The following ERC2 variants were observed in gnomAD, a reference collection of about 807,000 sequenced individuals.
The protein encoded by ERC2 is ERC protein 2.
In ERC2, 42 loss-of-function variants were observed where a neutral mutation model predicts 114.8. The ratio of observed to expected loss-of-function variants is 0.37; its 90% CI spans 0.29 to 0.47. The LOEUF is 0.47. Among genes scored for constraint, ERC2 ranks in the 20% least tolerant of loss-of-function variants. The pLI, the probability that ERC2 is intolerant of heterozygous loss-of-function variation, is 0.99. For synonymous variants in ERC2, 454 were observed against 425.5 expected (o/e 1.07, Z -0.82); for missense variants, 939 against 1,150.7 (o/e 0.82, Z 2.66).
chr3:56,110,200 G>A (rs1237746629), intron 6 of ERC2, among the ~76,000 whole-genome samples: 1 of 152,154 alleles, frequency 6.6e-6, no homozygotes, highest in Non-Finnish European at 1.5e-5. Context: ...CAAGGCTATA[G>A]GAAATTTGGT....
chr3:55,730,244 A>G (rs1349208527), intron 15 of ERC2, among the ~76,000 whole-genome samples: 2 of 152,190 alleles, frequency 1.3e-5, no homozygotes, highest in African/African-American at 4.8e-5. Flanking sequence ...TAAGTCATAT[A>G]GTCTCTTGGA....
rs909584861 is a variant in ERC2, at chr3:55,888,602, A to G, written c.2404-53T>C. ...TATTTCTCCTTCATTCAAGCACAAGACATCCCTTGTTAGCCTGTGTTCCAA... is the reference window on the plus strand; with the variant it reads ...TATTTCTCCTTCATTCAAGCACAAGGCATCCCTTGTTAGCCTGTGTTCCAA... On this transcript the variant is annotated intron_variant, in intron 13 of 17. Transcript: ENST00000288221. 4.4e-6 allele frequency: 7 copies of G among 1,598,482 alleles called. No homozygotes were observed. The Admixed American group carries it at 1.2e-4, about 27-fold the overall frequency.
intron 2 of ERC2, among the ~76,000 whole-genome samples, chr3:56,409,131 G>C (rs915928285): frequency 6.6e-6 from 1 of 152,188 alleles, no homozygotes; most frequent in African/African-American, 2.4e-5. Context: ...GAGGCGGCAC[G>C]TGACCTCAAA....
chr3:55,900,396 C>T (rs780969001), intron 13 of ERC2, among the ~76,000 whole-genome samples: 11 of 152,186 alleles, frequency 7.2e-5, no homozygotes, highest in Non-Finnish European at 2.9e-5. Flanking sequence ...ACTTGGCCAC[C>T]TCCATTAGCA....
chr3:56,236,166 C>A (rs181607241), intron 3 of ERC2, among the ~76,000 whole-genome samples: 103 of 152,240 alleles, frequency 6.8e-4, no homozygotes, highest in African/African-American at 2.4e-3. Flanking sequence ...TCCTGATGAT[C>A]TTAGCTCACT....
intron 17 of ERC2, among the ~76,000 whole-genome samples, chr3:55,646,606 C>T (rs967376738): frequency 1.3e-5 from 2 of 152,140 alleles, no homozygotes; most frequent in Non-Finnish European, 2.9e-5. Flanking sequence ...GTGTGCTAGA[C>T]ACTGTGCTAG....
chr3:55,649,559 C>G (rs1214285168), intron 17 of ERC2, among the ~76,000 whole-genome samples: 2 of 152,052 alleles, frequency 1.3e-5, no homozygotes, highest in African/African-American at 4.8e-5. Flanking sequence ...CGCACCTGGC[C>G]AATAATTTTT....
chr3:56,220,133 C>T (rs1170275029), intron 3 of ERC2, among the ~76,000 whole-genome samples: 1 of 152,088 alleles, frequency 6.6e-6, no homozygotes, highest in Non-Finnish European at 1.5e-5. Flanking sequence ...CTGTTTATCC[C>T]CTACAATATC....
intron 13 of ERC2, among the ~76,000 whole-genome samples, chr3:55,935,860 A>C (rs2066409464): frequency 6.6e-6 from 1 of 152,198 alleles, no homozygotes; most frequent in Non-Finnish European, 1.5e-5. Context: ...GAGAAATGAA[A>C]AACAGCTAGG....
At chr3:56,204,072 C>T (rs2048561973) in intron 3 of ERC2, among the ~76,000 whole-genome samples, 1 of 152,136 alleles carries the variant, frequency 6.6e-6, no homozygotes, top group Non-Finnish European at 1.5e-5. Flanking sequence ...CACCTGTAAT[C>T]CCAGCTACTC....
chr3:56,451,654 G>A (rs1320719462), intron 1 of ERC2, among the ~76,000 whole-genome samples: 1 of 152,178 alleles, frequency 6.6e-6, no homozygotes, highest in Non-Finnish European at 1.5e-5. Context: ...TCAAGTAATT[G>A]AGTCAAATCT....
intron 17 of ERC2, among the ~76,000 whole-genome samples, chr3:55,589,324 G>A (rs2057757538): frequency 6.6e-6 from 1 of 152,138 alleles, no homozygotes; most frequent in Non-Finnish European, 1.5e-5. Flanking sequence ...CAGCCCAGTG[G>A]TTGGTGCGCA....
chr3:56,236,740 A>G (rs1157980429), intron 3 of ERC2, among the ~76,000 whole-genome samples: 1 of 152,190 alleles, frequency 6.6e-6, no homozygotes, highest in African/African-American at 2.4e-5. Context: ...CATAGAACTA[A>G]CATCTACTAA....
At chr3:56,231,628 T>G (rs1478307197) in intron 3 of ERC2, among the ~76,000 whole-genome samples, 1 of 152,226 alleles carries the variant, frequency 6.6e-6, no homozygotes, top group Admixed American at 6.5e-5. Flanking sequence ...GAGACAATTA[T>G]ACAGAGGTTA....
At chr3:55,532,067 T>A (rs911789897) in intron 17 of ERC2, among the ~76,000 whole-genome samples, 3 of 152,240 alleles carry the variant, frequency 2.0e-5, no homozygotes, top group Admixed American at 6.5e-5. Flanking sequence ...ATCTTTGGCT[T>A]GAGCTACATC....
At position 56,437,243 on chromosome 3, in the gene ERC2, T is replaced by C. The variant is rs553460879; in HGVS notation, c.-140-2096A>G. 7.9e-5 allele frequency among the ~76,000 whole-genome samples: 12 copies of C among 152,290 alleles called. No individual in the cohort carries two copies. In the South Asian group the frequency reaches 2.3e-3, roughly 29 times the overall value. ...ATGAGAAATATAAAATAGAACCAAG[T>C]TGTCCTAGCCAACAGGCAAGCCGCC... On this transcript the variant is annotated intron_variant, in intron 1 of 17. Transcript: ENST00000288221.
intron 17 of ERC2, among the ~76,000 whole-genome samples, chr3:55,537,936 A>G (rs1026711038): frequency 2.6e-5 from 4 of 152,116 alleles, no homozygotes; most frequent in Non-Finnish European, 5.9e-5. Flanking sequence ...CCTTCCCCCA[A>G]TTGCGGACGA....
intron 3 of ERC2, among the ~76,000 whole-genome samples, chr3:56,257,669 T>G (rs34392996): frequency 0.23 from 34,850 of 152,224 alleles, 4,663 homozygotes; most frequent in Non-Finnish European, 0.29. Context: ...GCCATTGCCT[T>G]GCATGTATGA....
intron 3 of ERC2, among the ~76,000 whole-genome samples, chr3:56,212,413 T>C (rs1038747919): frequency 2.0e-5 from 3 of 152,160 alleles, no homozygotes; most frequent in Non-Finnish European, 2.9e-5. Flanking sequence ...GATACCACCT[T>C]ACTCTTTCAA....
Sources: allele counts gnomAD v4.1 joint callset (sites outside exome capture counted in the v4.1 genomes callset), GRCh38; gene constraint gnomAD v4.1.1; transcripts MANE v1.5; gene names NCBI Gene and HGNC (gene_info 2026-07-23, HGNC 2026-07-21).